Variants in HDC observed in about 807,000 individuals in gnomAD.
HDC encodes histidine decarboxylase.
In HDC, 27 loss-of-function variants were observed where a neutral mutation model predicts 64.4. That is an observed-to-expected ratio of 0.42 (90% CI 0.31 to 0.58). The LOEUF is 0.58. Ranked by LOEUF, HDC falls within the 20% of genes least tolerant of loss-of-function variation. HDC has a pLI of 0.16. For missense variants in HDC, 711 were observed against 833.9 expected, an observed-to-expected ratio of 0.85 and a Z score of 1.81; for synonymous variants, 305 against 314.2, an observed-to-expected ratio of 0.97 and a Z score of 0.31.
intron 10 of HDC, among the ~76,000 whole-genome samples, chr15:50,247,773 G>A (rs1341409399): frequency 6.6e-6 from 1 of 152,208 alleles, no homozygotes; most frequent in African/African-American, 2.4e-5. Context: ...GCCTGTTGAT[G>A]CAGGGAGGTT....
At chr15:50,245,765 T>C (rs978492598) in intron 10 of HDC, among the ~76,000 whole-genome samples, 1 of 152,068 alleles carries the variant, frequency 6.6e-6, no homozygotes, top group African/African-American at 2.4e-5. Flanking sequence ...CATGATGGTA[T>C]GCGCCTGTAG....
intron 2 of HDC, among the ~76,000 whole-genome samples, chr15:50,262,146 G>T (rs1375556607): frequency 6.6e-6 from 1 of 151,944 alleles, no homozygotes; most frequent in African/African-American, 2.4e-5. Context: ...CAGCTTGTGT[G>T]GGGGTGTGGA....
intron 10 of HDC, among the ~76,000 whole-genome samples, chr15:50,246,185 AC>A (rs1411325966): frequency 6.6e-6 from 1 of 152,186 alleles, no homozygotes; most frequent in Non-Finnish European, 1.5e-5. Context: ...GGTTAGAGTG[AC>A]CACCCCAGGC....
At position 50,261,339 on chromosome 15, in the gene HDC, C is replaced by A. The variant is rs138224503; in HGVS notation, c.204+1896G>T. Among the ~76,000 whole-genome samples, 20 of 152,302 alleles carry A rather than the reference C, an allele frequency of 1.3e-4. No homozygotes were observed. In the East Asian group the frequency reaches 2.9e-3, roughly 22 times the overall value. On this transcript the variant is annotated intron_variant, in intron 2 of 11. Transcript: ENST00000267845. Reference sequence around the variant, plus strand: ...AGTCTCACTCCCAGATTACAGTTAGCCCCTCAGCAGATTACATTTTACAGA... The same window carrying A: ...AGTCTCACTCCCAGATTACAGTTAGACCCTCAGCAGATTACATTTTACAGA...
At chr15:50,244,328 C>T (rs1031527532) in intron 10 of HDC, among the ~76,000 whole-genome samples, 2 of 110,682 alleles carry the variant, frequency 1.8e-5, no homozygotes, top group Non-Finnish European at 3.4e-5. Context: ...TAGGGTCTTG[C>T]TTTGTCACAC....
intron 3 of HDC, among the ~76,000 whole-genome samples, chr15:50,258,154 T>A (rs968334126): frequency 6.6e-6 from 1 of 152,166 alleles, no homozygotes; most frequent in Non-Finnish European, 1.5e-5. Context: ...CTATGAGCTG[T>A]GTGATCTGGG....
intron 9 of HDC, among the ~76,000 whole-genome samples, chr15:50,250,354 T>G (rs1347710637): frequency 6.6e-6 from 1 of 152,066 alleles, no homozygotes; most frequent in Non-Finnish European, 1.5e-5. Flanking sequence ...CTTCATGGAC[T>G]TGAAAATCAA....
At chr15:50,261,696 A>G (rs1183928886) in intron 2 of HDC, among the ~76,000 whole-genome samples, 2 of 146,760 alleles carry the variant, frequency 1.4e-5, no homozygotes, top group Non-Finnish European at 3.0e-5. Flanking sequence ...CCCTGCCTCT[A>G]GGCATATTTT....
Position 50,246,872 on chromosome 15 carries a change from G to A in HDC, c.1140+1373C>T, listed in dbSNP as rs182960420. On this transcript the variant is annotated intron_variant, in intron 10 of 11. Transcript: ENST00000267845. Reference sequence around the variant, plus strand: ...AAAGTGCCTAAAGTTCCTCAATATTGTTGGTGGCAGCTGCTCATTGGTAAA... The same window carrying A: ...AAAGTGCCTAAAGTTCCTCAATATTATTGGTGGCAGCTGCTCATTGGTAAA... Among the ~76,000 whole-genome samples, 12 of 152,266 alleles carry A rather than the reference G, an allele frequency of 7.9e-5. No homozygotes were observed. In the East Asian group the frequency reaches 2.3e-3, roughly 29 times the overall value.
At position 50,248,181 on chromosome 15, in the gene HDC, G is replaced by T; in HGVS notation, c.1140+64C>A. On this transcript the variant is annotated intron_variant, in intron 10 of 11. Transcript: ENST00000267845. The surrounding 1 kb of genome is among the most constrained non-coding windows in gnomAD (Gnocchi z 4.3). ...AGGCAGATCTGCAAAGTAGAAACCA[G>T]CCTTCCTCGCCATGAGAAAACAGAG... The T allele has an allele frequency of 8.4e-7, 1 of 1,195,714 alleles. No homozygotes were observed. The highest frequency in any genetic ancestry group is 1.2e-6 in the Non-Finnish European group (1 of 805,988). 74.1% of individuals were successfully genotyped at this position (1,195,714 alleles called of 1,614,324 possible).
At chr15:50,251,229 C>T (rs1243917725) in intron 9 of HDC, among the ~76,000 whole-genome samples, 1 of 152,336 alleles carries the variant, frequency 6.6e-6, no homozygotes, top group East Asian at 1.9e-4. Flanking sequence ...CCAACACATG[C>T]CATCTGGCTT....
chr15:50,253,254 A>G, intron 7 of HDC: 1 of 392,724 alleles, frequency 2.5e-6, no homozygotes, highest in Non-Finnish European at 4.8e-6. Context: ...TAGAATAGAA[A>G]GCATTTCTAT....
In HDC at chr15:50,253,683, G is replaced by A. The variant is rs780197059; in HGVS notation, c.721-17C>T. The A allele has an allele frequency of 1.2e-6, 2 of 1,610,262 alleles. No homozygotes were observed. The highest frequency in any genetic ancestry group is 1.7e-6 in the Non-Finnish European group (2 of 1,177,798). The stretch of plus-strand genomic sequence containing the variant: ...TGCACAGACCTAGGGGAAAATTAAG[G>A]CAAGTTAACACAGGAGGGTGGGCTC... On this transcript the variant is annotated splice_polypyrimidine_tract_variant and intron_variant, in intron 6 of 11. Transcript: ENST00000267845.
chr15:50,243,101 C>G (rs748096781), intron 11 of HDC, 42 bp downstream of exon 11: 2 of 1,611,778 alleles, frequency 1.2e-6, no homozygotes, highest in African/African-American at 2.7e-5. Context: ...TCTGGAGCAC[C>G]ACAAGACATC....
rs764078880 is a variant in HDC at position 50,252,728 on chromosome 15, G to A, written c.834C>T (p.Gly278=). ...GGAACTCGGGGCACAGGAAGGCAGT[G>A]CCTGCATAAGCAGCATCGATGTGGA... The part of the protein sequence containing the change: ...LWLHIDAAYA[G]TAFLCPEFRG... The change falls in exon 8 of 12, where the codon GGC becomes GGT. Residue 278 remains glycine (G), a synonymous_variant. Coordinates refer to ENST00000267845, the MANE Select transcript of HDC (RefSeq NM_002112.4). The A allele has an allele frequency of 1.2e-6, 2 of 1,614,118 alleles. No individual in the cohort carries two copies. Among genetic ancestry groups the A allele is most frequent in the Admixed American group, 1.7e-5 (1 of 60,024 alleles).
In HDC at chr15:50,248,421, G is replaced by T. The variant is rs1364957746; in HGVS notation, c.1042-78C>A. 4.1e-6 allele frequency: 4 copies of T among 979,932 alleles called. No individual in the cohort carries two copies. The highest frequency in any genetic ancestry group is 6.5e-6 in the Non-Finnish European group (4 of 618,334). 60.7% of individuals were successfully genotyped at this position (979,932 alleles called of 1,614,324 possible). A position where few individuals can be genotyped will look rare whatever the true frequency, so the allele number is the denominator to read the frequency against. ...CCTCGGGCATTTCTGGGCATTATCT[G>T]TTGCCTGCCCAGCCCTCCAGGGATG... On this transcript the variant is annotated intron_variant, in intron 9 of 11. Coordinates refer to ENST00000267845, the MANE Select transcript of HDC (RefSeq NM_002112.4). The surrounding 1 kb of genome is among the most constrained non-coding windows in gnomAD (Gnocchi z 4.3).
intron 2 of HDC, among the ~76,000 whole-genome samples, chr15:50,259,694 C>T (rs1427603677): frequency 2.0e-5 from 3 of 152,180 alleles, no homozygotes; most frequent in Admixed American, 6.5e-5. Flanking sequence ...CTCGAACTCT[C>T]CCCCAGCTCC....
At chr15:50,253,982 A>G in intron 6 of HDC, 148 bp downstream of exon 6, 3 of 830,010 alleles carry the variant, frequency 3.6e-6, no homozygotes, top group Non-Finnish European at 6.0e-6. Context: ...TAACACACCT[A>G]TGGATAGCAC....
Position 50,254,136 on chromosome 15 carries a change from G to A in HDC, c.714C>T (p.Pro238=), listed in dbSNP as rs779961874. Residue 238 remains proline (P), a synonymous_variant, in exon 6 of 12, where the codon CCC becomes CCT. Coordinates refer to ENST00000267845, the MANE Select transcript of HDC (RefSeq NM_002112.4). ...IEEDKQRGLV[P]VFVCATLGTT... is the part of the protein sequence containing the mutation. ...GGCATATATCCTGACTTACAAAGAC[G>A]GGCACCAAGCCCCGCTGCTTGTCTT... is the stretch of plus-strand genomic sequence containing the variant. 1.5e-5 allele frequency: 24 copies of A among 1,613,984 alleles called. No homozygotes were observed. Among genetic ancestry groups the A allele is most frequent in the African/African-American group, 6.7e-5 (5 of 74,908 alleles).
Sources: allele counts gnomAD v4.1 joint callset (sites outside exome capture counted in the v4.1 genomes callset), GRCh38; gene constraint gnomAD v4.1.1; non-coding constraint Gnocchi (gnomAD v3.1); transcripts MANE v1.5; gene names NCBI Gene and HGNC (gene_info 2026-07-23, HGNC 2026-07-21).